RIMBP2: variants seen among roughly 807,000 people sequenced by gnomAD.
The protein encoded by RIMBP2 is RIMS-binding protein 2.
A neutral mutation model predicts 118.6 loss-of-function variants in RIMBP2; 48 were observed. That is an observed-to-expected ratio of 0.40 (90% CI 0.32 to 0.51). The LOEUF (loss-of-function observed/expected upper bound fraction) is 0.51, where lower values mean the gene tolerates loss of function less well. Ranked by LOEUF, RIMBP2 falls within the 20% of genes least tolerant of loss-of-function variation. RIMBP2 has a pLI of 0.41. For synonymous variants in RIMBP2, 762 were observed against 742.9 expected, an observed-to-expected ratio of 1.03 and a Z score of -0.42; for missense variants, 1,551 against 1,768.3, an observed-to-expected ratio of 0.88 and a Z score of 2.20.
Position 130,441,401 on chromosome 12 carries a change from AAATAATAATAATAAT to A in RIMBP2, c.1504+432_1504+446del, listed in dbSNP as rs58605863. Among the ~76,000 whole-genome samples, 957 of 122,880 alleles carry A rather than the reference AAATAATAATAATAAT, an allele frequency of 7.8e-3. 3 individuals are homozygous for A. Among genetic ancestry groups the A allele is most frequent in the African/African-American group, 0.011 (380 of 34,912 alleles). The allele number at this position is 122,880 out of a possible 152,430, so 80.6% of individuals were successfully genotyped here. ...GGGTGACAGAGCGAGACTCCATCTC[AAATAATAATAATAAT>A]AATAATAATAATAATAATAATAATA... On this transcript the variant is annotated intron_variant, in intron 11 of 22. Transcript: ENST00000690449.
chr12:130,615,582 G>A (rs2140708340), intron 2 of RIMBP2, among the ~76,000 whole-genome samples: 1 of 152,064 alleles, frequency 6.6e-6, no homozygotes, highest in African/African-American at 2.4e-5. Flanking sequence ...AAAGTGCTGG[G>A]ATTATAGGTG....
At chr12:130,414,488 C>A (rs10773780) in intron 17 of RIMBP2, 182 bp from the exon 18 acceptor site, 353,912 of 557,812 alleles carry the variant, frequency 0.63, 113,566 homozygotes, top group Non-Finnish European at 0.67. Flanking sequence ...TGGAGAAGCA[C>A]ATAACCACAG....
rs554668844 is a variant in RIMBP2 at position 130,397,632 on chromosome 12, T to C, written c.3901-83A>G. On this transcript the variant is annotated intron_variant, in intron 22 of 22. Transcript: ENST00000690449. Reference sequence around the variant, plus strand: ...TTGGTAACATCGTACTGTCCCCGTTTCCCACCAGGAAAGGTCAGGGGGGTT... The same window carrying C: ...TTGGTAACATCGTACTGTCCCCGTTCCCCACCAGGAAAGGTCAGGGGGGTT... 2.5e-5 allele frequency: 10 copies of C among 397,476 alleles called. No individual in the cohort carries two copies. In the South Asian group the frequency reaches 1.1e-3, roughly 44 times the overall value. 24.6% of individuals were successfully genotyped at this position (397,476 alleles called of 1,614,324 possible).
chr12:130,579,862 G>A (rs1332181881), intron 2 of RIMBP2, among the ~76,000 whole-genome samples: 1 of 151,868 alleles, frequency 6.6e-6, no homozygotes, highest in African/African-American at 2.4e-5. Context: ...GGCAAGGGAG[G>A]CAAAACCATC....
intron 7 of RIMBP2, among the ~76,000 whole-genome samples, chr12:130,453,844 A>G: frequency 6.6e-6 from 1 of 152,266 alleles, no homozygotes; most frequent in East Asian, 1.9e-4. Context: ...ACCTGAGTTC[A>G]GGAGTTTAAG....
intron 13 of RIMBP2, among the ~76,000 whole-genome samples, chr12:130,436,119 C>T (rs939814127): frequency 6.6e-6 from 1 of 152,200 alleles, no homozygotes; most frequent in Non-Finnish European, 1.5e-5. Context: ...TGCGGGCACA[C>T]GTTCTGGCTC....
At chr12:130,679,211 A>G (rs1421855687) in intron 1 of RIMBP2, among the ~76,000 whole-genome samples, 1 of 152,208 alleles carries the variant, frequency 6.6e-6, no homozygotes, top group Non-Finnish European at 1.5e-5. Flanking sequence ...TGCCTCTCCT[A>G]TACAATTAGG....
chr12:130,413,695 A>C (rs2136500172), intron 18 of RIMBP2, among the ~76,000 whole-genome samples: 1 of 150,434 alleles, frequency 6.6e-6, no homozygotes, highest in Admixed American at 6.6e-5. Flanking sequence ...AACCTCCATC[A>C]GGTGTATTAA....
chr12:130,524,494 G>A (rs2052543863), intron 2 of RIMBP2, among the ~76,000 whole-genome samples: 1 of 152,194 alleles, frequency 6.6e-6, no homozygotes, highest in Non-Finnish European at 1.5e-5. Context: ...AGACAGCTGG[G>A]CTCTGGCTGG....
At chr12:130,464,506 T>C (rs1026742569) in intron 6 of RIMBP2, among the ~76,000 whole-genome samples, 2 of 152,166 alleles carry the variant, frequency 1.3e-5, no homozygotes, top group Admixed American at 1.3e-4. Flanking sequence ...CGTGATTTCA[T>C]TGATCACTGG....
intron 4 of RIMBP2, among the ~76,000 whole-genome samples, chr12:130,484,912 A>G (rs1181076815): frequency 6.6e-6 from 1 of 152,232 alleles, no homozygotes; most frequent in Non-Finnish European, 1.5e-5. Context: ...TAATTTTTCA[A>G]CACTATTCTT....
intron 2 of RIMBP2, among the ~76,000 whole-genome samples, chr12:130,608,449 C>G (rs2060315434): frequency 1.3e-5 from 2 of 152,240 alleles, no homozygotes; most frequent in African/African-American, 4.8e-5. Flanking sequence ...TCAGTCCAGG[C>G]TACGTGTGCC....
chr12:130,628,594 C>T (rs1016731882), intron 1 of RIMBP2, 138 bp from the exon 2 acceptor site: 7 of 152,334 alleles, frequency 4.6e-5, no homozygotes, highest in Admixed American at 6.5e-5. Flanking sequence ...GTTCAGAACA[C>T]TGAGGGCTGA....
At chr12:130,659,608 T>C (rs2136330165) in intron 1 of RIMBP2, among the ~76,000 whole-genome samples, 1 of 151,498 alleles carries the variant, frequency 6.6e-6, no homozygotes, top group South Asian at 2.1e-4. Context: ...ATAAAACTAA[T>C]TTTCATATTT....
At chr12:130,653,925 GC>G in intron 1 of RIMBP2, among the ~76,000 whole-genome samples, 1 of 152,328 alleles carries the variant, frequency 6.6e-6, no homozygotes, top group South Asian at 2.1e-4. Flanking sequence ...GGGCAGCGGG[GC>G]CCTGGACCTG....
intron 6 of RIMBP2, among the ~76,000 whole-genome samples, chr12:130,461,884 AC>A (rs1305253476): frequency 6.6e-6 from 1 of 151,928 alleles, no homozygotes; most frequent in Non-Finnish European, 1.5e-5. Flanking sequence ...ACCTTCATAA[AC>A]CTTCATAAAT....
At chr12:130,637,574 C>T (rs1465870817) in intron 1 of RIMBP2, among the ~76,000 whole-genome samples, 2 of 152,144 alleles carry the variant, frequency 1.3e-5, no homozygotes, top group Non-Finnish European at 2.9e-5. Context: ...AGCTTCAGGC[C>T]ACAGTTAAGG....
intron 22 of RIMBP2, chr12:130,398,811 T>G: frequency 5.8e-6 from 1 of 173,010 alleles, no homozygotes; most frequent in Non-Finnish European, 1.2e-5. Context: ...TATGCAGCTC[T>G]CTCTATGTAA....
intron 2 of RIMBP2, among the ~76,000 whole-genome samples, chr12:130,595,414 C>T (rs1011477927): frequency 4.6e-5 from 7 of 152,048 alleles, no homozygotes; most frequent in African/African-American, 7.2e-5. Context: ...AAAAATTAGC[C>T]GGGCGTGGTG....
Sources: gnomAD v4.1 joint callset for allele counts (sites outside exome capture counted in the v4.1 genomes callset) on GRCh38, gnomAD v4.1.1 for gene constraint, MANE v1.5 for transcripts, NCBI Gene and HGNC (gene_info 2026-07-23, HGNC 2026-07-21) for gene names.